Variants in ESR1 observed in about 807,000 individuals in gnomAD.
ESR1 encodes the protein estrogen receptor 1, also known as estrogen receptor.
A neutral mutation model predicts 52.7 loss-of-function variants in ESR1; 12 were observed. The ratio of observed to expected loss-of-function variants is 0.23; its 90% confidence interval spans 0.15 to 0.37. The LOEUF (loss-of-function observed/expected upper bound fraction) is 0.37, where lower values mean the gene tolerates loss of function less well. ESR1 is among the 10% of genes least tolerant of loss of function. The pLI is 1.00. For synonymous variants in ESR1, 305 were observed against 316.8 expected, an observed-to-expected ratio of 0.96 and a Z score of 0.39; for missense variants, 584 against 779.7, an observed-to-expected ratio of 0.75 and a Z score of 2.99.
At chr6:151,882,686 CATGAAT>C (rs966753576) in intron 3 of ESR1, among the ~76,000 whole-genome samples, 2 of 152,012 alleles carry the variant, frequency 1.3e-5, no homozygotes, top group African/African-American at 4.8e-5. Context: ...ATAATCAAGT[CATGAAT>C]ATGTCCAAAA....
At chr6:151,658,451 C>A (rs1777530713) in intron 1 of ESR1, among the ~76,000 whole-genome samples, 1 of 152,150 alleles carries the variant, frequency 6.6e-6, no homozygotes, top group South Asian at 2.1e-4. Flanking sequence ...CATTAATATT[C>A]CTCATTCAAT....
upstream of ESR1, among the ~76,000 whole-genome samples, chr6:151,689,827 CATG>C (rs1778833234): frequency 6.6e-6 from 1 of 152,128 alleles, no homozygotes; most frequent in African/African-American, 2.4e-5. Flanking sequence ...CCACACCAGA[CATG>C]ATGAGATATT....
chr6:151,832,064 A>T (rs951722120), intron 1 of ESR1, among the ~76,000 whole-genome samples: 1 of 152,240 alleles, frequency 6.6e-6, no homozygotes, highest in Non-Finnish European at 1.5e-5. Context: ...AAAAGACACC[A>T]TGATTACAAA....
chr6:151,722,282 T>C (rs142277291), intron 2 of ESR1, among the ~76,000 whole-genome samples: 1 of 152,308 alleles, frequency 6.6e-6, no homozygotes, highest in Non-Finnish European at 1.5e-5. Context: ...AAGCTTTGGC[T>C]TCTCTCTGTA....
chr6:152,018,028 C>G (rs35060990), intron 5 of ESR1, among the ~76,000 whole-genome samples: 13,163 of 152,122 alleles, frequency 0.087, 628 homozygotes, highest in East Asian at 0.11. Context: ...AGTTGTTGCT[C>G]TAGTTCTTTC....
chr6:151,710,598 G>A (rs1780527784), intron 2 of ESR1, among the ~76,000 whole-genome samples: 1 of 151,998 alleles, frequency 6.6e-6, no homozygotes, highest in Non-Finnish European at 1.5e-5. Context: ...TACACTTTAA[G>A]TTCTGTGATA....
intron 1 of ESR1, among the ~76,000 whole-genome samples, chr6:151,692,211 A>G (rs1778999440): frequency 1.3e-5 from 2 of 152,318 alleles, no homozygotes; most frequent in South Asian, 4.1e-4. Context: ...TTTGTTCAAT[A>G]TTGGGTTTAG....
intron 6 of ESR1, among the ~76,000 whole-genome samples, chr6:152,118,831 G>A (rs888797125): frequency 2.0e-5 from 3 of 152,142 alleles, no homozygotes; most frequent in East Asian, 3.8e-4. Flanking sequence ...GGTCCTCCCC[G>A]AGAGGACTCC....
At chr6:152,046,781 A>G (rs904546485) in intron 5 of ESR1, among the ~76,000 whole-genome samples, 8 of 152,198 alleles carry the variant, frequency 5.3e-5, no homozygotes, top group African/African-American at 1.7e-4. Flanking sequence ...ACTGGCTTCC[A>G]TGGATAGCAT....
chr6:151,777,475 G>C (rs963577950), intron 2 of ESR1, among the ~76,000 whole-genome samples: 1 of 152,074 alleles, frequency 6.6e-6, no homozygotes, highest in Admixed American at 6.6e-5. Flanking sequence ...TTGAGGCAAT[G>C]GAAATCTGAA....
chr6:152,111,847 T>C (rs2051139847), intron 6 of ESR1, among the ~76,000 whole-genome samples: 1 of 152,232 alleles, frequency 6.6e-6, no homozygotes, highest in South Asian at 2.1e-4. Context: ...TTCCTTCCAA[T>C]TGGAGGGAAG....
At chr6:151,919,605 A>G (rs1169887610) in intron 3 of ESR1, among the ~76,000 whole-genome samples, 1 of 152,234 alleles carries the variant, frequency 6.6e-6, no homozygotes, top group East Asian at 1.9e-4. Context: ...CATGTCGAAC[A>G]TGTTGACCCC....
At chr6:151,742,342 C>T (rs767532546) in intron 2 of ESR1, among the ~76,000 whole-genome samples, 17 of 151,374 alleles carry the variant, frequency 1.1e-4, no homozygotes, top group South Asian at 4.2e-4. Flanking sequence ...TACTGTTTTC[C>T]GTAATGGCTG....
chr6:151,795,279 G>C (rs1776581397), intron 2 of ESR1, among the ~76,000 whole-genome samples: 1 of 151,802 alleles, frequency 6.6e-6, no homozygotes, highest in Admixed American at 6.6e-5. Context: ...CTGAGGTCAG[G>C]AGTTTGAAAC....
intron 4 of ESR1, among the ~76,000 whole-genome samples, chr6:151,974,828 T>G (rs1271445875): frequency 6.6e-6 from 1 of 152,212 alleles, no homozygotes; most frequent in Non-Finnish European, 1.5e-5. Flanking sequence ...CAAAGCCGTC[T>G]TCACTATTTT....
chr6:151,795,276 C>G (rs1345995949), intron 2 of ESR1, among the ~76,000 whole-genome samples: 1 of 151,834 alleles, frequency 6.6e-6, no homozygotes, highest in Non-Finnish European at 1.5e-5. Flanking sequence ...CACCTGAGGT[C>G]AGGAGTTTGA....
At chr6:151,813,696 T>C (rs2128172172) in intron 1 of ESR1, among the ~76,000 whole-genome samples, 1 of 152,334 alleles carries the variant, frequency 6.6e-6, no homozygotes, top group East Asian at 1.9e-4. Context: ...CAAATTAGTT[T>C]GTTCTTATAA....
At position 151,892,365 on chromosome 6, in the gene ESR1, T is replaced by G. The variant is rs977198206; in HGVS notation, c.760+11594T>G. ...CATTTCAAGCTCAATTTAGAACAACTGCGGGCAACTGTAAAAACCGGTAGG... is the reference window on the plus strand; with the variant it reads ...CATTTCAAGCTCAATTTAGAACAACGGCGGGCAACTGTAAAAACCGGTAGG... On this transcript the variant is annotated intron_variant, in intron 3 of 7. Coordinates refer to ENST00000206249, the MANE Select transcript of ESR1 (RefSeq NM_000125.4). Among the ~76,000 whole-genome samples the G allele has an allele frequency of 5.1e-4, 77 of 152,154 alleles. 2 individuals carry two copies. Among genetic ancestry groups the G allele is most frequent in the South Asian group, 2.1e-4 (1 of 4,828 alleles).
rs545686770 is a variant in ESR1, at chr6:152,098,616, A to G, written c.1554-116A>G. Reference sequence around the variant, plus strand: ...TAAAGTGGGTCTTTAAACAGGAAGAAAGAAAGATTGCTAAGTGTCTTTGGA... The same window carrying G: ...TAAAGTGGGTCTTTAAACAGGAAGAGAGAAAGATTGCTAAGTGTCTTTGGA... On this transcript the variant is annotated intron_variant, in intron 7 of 7. Transcript: ENST00000206249. This position sits in a 1 kb window ranked among gnomAD's most constrained non-coding sequence, Gnocchi z 5.1. 2.3e-6 allele frequency: 2 copies of G among 875,040 alleles called. No homozygotes were observed. Among genetic ancestry groups the G allele is most frequent in the African/African-American group, 3.3e-5 (2 of 60,370 alleles). 54.2% of individuals were successfully genotyped at this position (875,040 alleles called of 1,614,324 possible).
Sources: gnomAD v4.1 joint callset for allele counts (sites outside exome capture counted in the v4.1 genomes callset) on GRCh38, gnomAD v4.1.1 for gene constraint, Gnocchi (gnomAD v3.1) non-coding constraint, MANE v1.5 for transcripts, NCBI Gene and HGNC (gene_info 2026-07-23, HGNC 2026-07-21) for gene names.